Variants in A2M observed in about 807,000 individuals in gnomAD.
A2M encodes the protein C3 and PZP-like alpha-2-macroglobulin domain-containing protein 5.
A2M carries 128 observed loss-of-function variants against 183.9 expected under a neutral mutation model. The observed-to-expected ratio is 0.70, with a 90% CI of 0.60 to 0.81. The LOEUF is 0.81. Among genes scored for constraint, A2M ranks in the 30% least tolerant of loss-of-function variants. A2M has a pLI of 0.00. For missense variants in A2M, 1,495 were observed against 1,787.6 expected, an observed-to-expected ratio of 0.84 and a Z score of 2.95; for synonymous variants, 592 against 670.8, an observed-to-expected ratio of 0.88 and a Z score of 1.81.
chr12:9,071,291 A>C (rs1003566563), intron 31 of A2M, among the ~76,000 whole-genome samples: 2 of 152,216 alleles, frequency 1.3e-5, no homozygotes, highest in Non-Finnish European at 2.9e-5. Context: ...AACAACAATA[A>C]TTTATAATGT....
intron 21 of A2M, 109 bp downstream of exon 21, chr12:9,089,793 T>C (rs1414087879): frequency 8.7e-6 from 7 of 801,912 alleles, no homozygotes; most frequent in Non-Finnish European, 1.2e-5. Context: ...AAGAGAGAGA[T>C]AGGACAGAGA....
At position 9,089,122 on chromosome 12, in the gene A2M, A is replaced by G. The variant is rs192131621; in HGVS notation, c.2770+78T>C. ...AGGTCTTAGATCACAGAGAAAGTGT[A>G]GGAATAATATATAAATGTTCTTTGA... On this transcript the variant is annotated intron_variant, in intron 22 of 35. Transcript: ENST00000318602. The G allele has an allele frequency of 4.5e-5, 51 of 1,128,570 alleles. No individual in the cohort carries two copies. The African/African-American group carries it at 7.2e-4, about 16-fold the overall frequency. 69.9% of individuals were successfully genotyped at this position (1,128,570 alleles called of 1,614,324 possible). A position where few individuals can be genotyped will look rare whatever the true frequency, so the allele number is the denominator to read the frequency against.
intron 10 of A2M, 64 bp downstream of exon 10, chr12:9,106,172 C>T: frequency 1.0e-6 from 1 of 952,418 alleles, no homozygotes; most frequent in Non-Finnish European, 1.7e-6. Flanking sequence ...TAGCACAAAC[C>T]ATAACTATTG....
At chr12:9,114,751 CAT>C (rs1486671168) in intron 1 of A2M, among the ~76,000 whole-genome samples, 15 of 151,674 alleles carry the variant, frequency 9.9e-5, no homozygotes, top group African/African-American at 1.7e-4. Context: ...ATATATGTAA[CAT>C]ATGTGGGTAG....
intron 4 of A2M, chr12:9,111,423 G>T (rs768353954): frequency 1.0e-4 from 44 of 425,166 alleles, no homozygotes; most frequent in African/African-American, 6.6e-4. Flanking sequence ...TAGAAGCTGG[G>T]AGACCACTTT....
At chr12:9,112,124 A>G in intron 4 of A2M, 35 bp downstream of exon 4, 1 of 1,608,934 alleles carries the variant, frequency 6.2e-7, no homozygotes, top group Non-Finnish European at 8.5e-7. Flanking sequence ...CTGTTTATAC[A>G]GACAATCATT....
At chr12:9,069,697 A>T (rs1404785586) in intron 33 of A2M, 48 bp downstream of exon 33, 1 of 1,459,730 alleles carries the variant, frequency 6.9e-7, no homozygotes, top group South Asian at 1.2e-5. Flanking sequence ...GTTCCCTTAG[A>T]GGATTATTAT....
Position 9,073,366 on chromosome 12 carries a change from A to T in A2M, c.3757-495T>A, listed in dbSNP as rs185681201. ...GCTTCAGTTTCTCCAAAAGAAATAA[A>T]AGATGAGTATTATAATTATCTTCTG... On this transcript the variant is annotated intron_variant, in intron 29 of 35. Coordinates refer to ENST00000318602, the MANE Select transcript of A2M (RefSeq NM_000014.6). 1.1e-3 allele frequency among the ~76,000 whole-genome samples: 173 copies of T among 152,348 alleles called. 1 individual carries two copies. The highest frequency in any genetic ancestry group is 6.2e-4 in the Non-Finnish European group (42 of 68,040).
At chr12:9,094,683 C>CA (rs1949320886) in intron 17 of A2M, among the ~76,000 whole-genome samples, 1 of 151,982 alleles carries the variant, frequency 6.6e-6, no homozygotes, top group African/African-American at 2.4e-5. Context: ...GGAAGTTGAA[C>CA]AGCTTTTTTA....
chr12:9,089,366 C>A (rs966063978), intron 21 of A2M, 115 bp from the exon 22 acceptor site: 5 of 785,282 alleles, frequency 6.4e-6, no homozygotes, highest in Non-Finnish European at 8.5e-6. Flanking sequence ...ACTGTATTAT[C>A]TAAGAAAATT....
intron 22 of A2M, among the ~76,000 whole-genome samples, chr12:9,086,543 T>A (rs1949056343): frequency 6.6e-6 from 1 of 152,202 alleles, no homozygotes; most frequent in Admixed American, 6.5e-5. Context: ...GTAAAAACCA[T>A]ACCATCATCT....
At chr12:9,100,712 G>A (rs1341701376) in intron 13 of A2M, among the ~76,000 whole-genome samples, 1 of 152,146 alleles carries the variant, frequency 6.6e-6, no homozygotes, top group Non-Finnish European at 1.5e-5. Flanking sequence ...AGATGGAAAT[G>A]GTCTCTCGTT....
intron 11 of A2M, among the ~76,000 whole-genome samples, chr12:9,102,369 C>T (rs1414553415): frequency 6.6e-6 from 1 of 152,080 alleles, no homozygotes; most frequent in African/African-American, 2.4e-5. Flanking sequence ...TGCATGCCAC[C>T]CCACCCAGCT....
chr12:9,084,045 A>C (rs1274556486), intron 22 of A2M, among the ~76,000 whole-genome samples: 2 of 152,148 alleles, frequency 1.3e-5, no homozygotes, highest in Non-Finnish European at 2.9e-5. Context: ...GTACTGAAGG[A>C]AAACAAAAAT....
chr12:9,115,856 G>GA lies in A2M; in HGVS notation c.-8dup. On this transcript the variant is annotated 5_prime_UTR_variant, in exon 1 of 36. Transcript: ENST00000318602. The stretch of plus-strand genomic sequence containing the variant: ...GGAGTTTGTTCTTCCCCATGTTGCA[G>GA]AAAGAAGGAGCTGGAGGAGAACAGA... The GA allele has an allele frequency of 6.2e-7, 1 of 1,611,496 alleles. No homozygotes were observed. The highest frequency in any genetic ancestry group is 8.5e-7 in the Non-Finnish European group (1 of 1,177,768).
At chr12:9,086,765 G>A (rs1274943873) in intron 22 of A2M, among the ~76,000 whole-genome samples, 1 of 152,146 alleles carries the variant, frequency 6.6e-6, no homozygotes, top group Admixed American at 6.5e-5. Context: ...TATTTTCAAA[G>A]TAGCACTGGA....
At chr12:9,096,388 A>G (rs1198671107) in intron 15 of A2M, among the ~76,000 whole-genome samples, 1 of 152,160 alleles carries the variant, frequency 6.6e-6, no homozygotes, top group Non-Finnish European at 1.5e-5. Flanking sequence ...GAAGGAAATG[A>G]TAGTTTTGTG....
chr12:9,113,546 G>A lies in A2M; in HGVS notation c.87-3C>T, dbSNP rs769348787. 6.2e-7 allele frequency: 1 copy of A among 1,613,062 alleles called. No homozygotes were observed. Among genetic ancestry groups the A allele is most frequent in the East Asian group, 2.2e-5 (1 of 44,870 alleles). On this transcript the variant is annotated splice_polypyrimidine_tract_variant and splice_region_variant and intron_variant, in intron 1 of 35. Coordinates refer to ENST00000318602, the MANE Select transcript of A2M (RefSeq NM_000014.6). Reference sequence around the variant, plus strand: ...AGGGGACCAGAACCATATACTGCCTGGGAATGAGACGGTTCAGTTAGAGGA... The same window carrying A: ...AGGGGACCAGAACCATATACTGCCTAGGAATGAGACGGTTCAGTTAGAGGA...
chr12:9,078,918 T>C (rs1948825157), intron 25 of A2M, among the ~76,000 whole-genome samples: 1 of 152,220 alleles, frequency 6.6e-6, no homozygotes, highest in South Asian at 2.1e-4. Context: ...GTTAACATGG[T>C]TTATCTGGAA....
Sources: gnomAD v4.1 joint callset for allele counts (sites outside exome capture counted in the v4.1 genomes callset) on GRCh38, gnomAD v4.1.1 for gene constraint, MANE v1.5 for transcripts, NCBI Gene and HGNC (gene_info 2026-07-23, HGNC 2026-07-21) for gene names.